Variants in CCDC3 observed in about 807,000 individuals in gnomAD.
CCDC3 encodes the protein coiled-coil domain containing 3.
A neutral mutation model predicts 21.4 loss-of-function variants in CCDC3; 24 were observed. That is an observed-to-expected ratio of 1.12 (90% CI 0.81 to 1.58). The LOEUF is 1.58. Among genes scored for constraint, CCDC3 ranks in the 40% most tolerant of loss-of-function variants. The probability of loss-of-function intolerance (pLI) is 0.00; values close to 1 mark genes in which losing one functional copy is unlikely to be tolerated. For synonymous variants in CCDC3, 186 were observed against 166.0 expected, an observed-to-expected ratio of 1.12 and a Z score of -0.93; for missense variants, 425 against 360.9, an observed-to-expected ratio of 1.18 and a Z score of -1.44.
At chr10:12,968,883 C>G (rs938887220) in intron 2 of CCDC3, among the ~76,000 whole-genome samples, 2 of 151,966 alleles carry the variant, frequency 1.3e-5, no homozygotes, top group African/African-American at 4.8e-5. Context: ...AGTAAGGAAT[C>G]AAAGCAAACT....
intron 4 of CCDC3, among the ~76,000 whole-genome samples, chr10:13,053,108 T>A (rs1043232559): frequency 6.6e-6 from 1 of 152,120 alleles, no homozygotes; most frequent in African/African-American, 2.4e-5. Flanking sequence ...GAAAAAGGAT[T>A]TTTCCTCTCC....
At chr10:12,948,631 A>AC (rs1257484124) in intron 2 of CCDC3, among the ~76,000 whole-genome samples, 12 of 151,760 alleles carry the variant, frequency 7.9e-5, no homozygotes, top group Non-Finnish European at 1.3e-4. Context: ...CCTTCTTTAG[A>AC]CCACTGGTCC....
intron 2 of CCDC3, among the ~76,000 whole-genome samples, chr10:12,960,015 G>A (rs932923800): frequency 6.6e-6 from 1 of 152,114 alleles, no homozygotes; most frequent in Non-Finnish European, 1.5e-5. Flanking sequence ...TTAGCCAGGC[G>A]TGGTCGCACA....
intron 3 of CCDC3, among the ~76,000 whole-genome samples, chr10:13,076,487 A>T (rs1314441731): frequency 6.6e-6 from 1 of 152,210 alleles, no homozygotes; most frequent in East Asian, 1.9e-4. Context: ...TTTCTTCCTC[A>T]AAGTTTCCCT....
At chr10:13,013,936 A>G (rs1235270714) in intron 5 of CCDC3, among the ~76,000 whole-genome samples, 1 of 151,952 alleles carries the variant, frequency 6.6e-6, no homozygotes, top group Non-Finnish European at 1.5e-5. Context: ...GGATCACTTG[A>G]GGTCAGGAGC....
chr10:12,945,286 T>G (rs1834897958), intron 2 of CCDC3, among the ~76,000 whole-genome samples: 4 of 152,070 alleles, frequency 2.6e-5, no homozygotes, highest in African/African-American at 9.7e-5. Context: ...TATGCAAGCA[T>G]ACAAAATAAG....
intron 2 of CCDC3, among the ~76,000 whole-genome samples, chr10:12,941,168 C>T (rs982530362): frequency 5.9e-5 from 9 of 152,192 alleles, no homozygotes; most frequent in South Asian, 2.1e-4. Flanking sequence ...AACGTGGTGA[C>T]GAGAGTGTCC....
chr10:13,078,275 G>A (rs1404621822), intron 3 of CCDC3, among the ~76,000 whole-genome samples: 1 of 152,124 alleles, frequency 6.6e-6, no homozygotes, highest in African/African-American at 2.4e-5. Flanking sequence ...ATCATCACTG[G>A]CCATCAGAGA....
At chr10:12,960,855 A>T (rs1385815569) in intron 2 of CCDC3, among the ~76,000 whole-genome samples, 1 of 152,206 alleles carries the variant, frequency 6.6e-6, no homozygotes, top group Non-Finnish European at 1.5e-5. Context: ...AAGCAGGGTA[A>T]CATGTGGGGA....
intron 4 of CCDC3, among the ~76,000 whole-genome samples, chr10:13,059,658 T>C (rs890972135): frequency 6.6e-6 from 1 of 152,142 alleles, no homozygotes; most frequent in Non-Finnish European, 1.5e-5. Context: ...GTTTTTTTTC[T>C]GCCATTTCAC....
At chr10:12,978,860 T>C (rs986947765) in intron 2 of CCDC3, among the ~76,000 whole-genome samples, 2 of 152,218 alleles carry the variant, frequency 1.3e-5, no homozygotes, top group South Asian at 4.1e-4. Flanking sequence ...CATTTTTTAA[T>C]ATGCGTGCTG....
intron 4 of CCDC3, among the ~76,000 whole-genome samples, chr10:13,071,736 G>T (rs1002450946): frequency 1.3e-5 from 2 of 152,212 alleles, no homozygotes; most frequent in African/African-American, 2.4e-5. Flanking sequence ...GCTAGTAAGA[G>T]AAAGGAACCA....
At chr10:13,099,912 T>C (rs1426588779), upstream of CCDC3, 4 of 151,932 alleles carry the variant, frequency 2.6e-5, no homozygotes, top group Non-Finnish European at 5.9e-5. Context: ...CTTAGAGCAG[T>C]CCCTGTTCAC....
chr10:12,950,521 A>C (rs1337570683), intron 2 of CCDC3, among the ~76,000 whole-genome samples: 1 of 152,212 alleles, frequency 6.6e-6, no homozygotes, highest in Non-Finnish European at 1.5e-5. Flanking sequence ...TTCAGATGCA[A>C]AGAGCAGAAC....
chr10:12,915,685 T>C (rs1834342367), intron 2 of CCDC3, among the ~76,000 whole-genome samples: 1 of 152,218 alleles, frequency 6.6e-6, no homozygotes, highest in African/African-American at 2.4e-5. Flanking sequence ...TGGGTGGGTT[T>C]GCTACTGGAG....
chr10:13,099,373 C>CCT (rs1832686449), intron 1 of CCDC3: 1 of 148,306 alleles, frequency 6.7e-6, no homozygotes, highest in African/African-American at 2.5e-5. Context: ...TCCCTCCCTC[C>CCT]CTCTCTCCCT....
intron 4 of CCDC3, among the ~76,000 whole-genome samples, chr10:13,068,304 C>G (rs943263110): frequency 1.3e-5 from 2 of 152,030 alleles, no homozygotes; most frequent in Admixed American, 6.6e-5. Context: ...TTCACAGCTA[C>G]TGCATTTTCT....
intron 3 of CCDC3, among the ~76,000 whole-genome samples, chr10:13,089,839 C>A (rs2131453933): frequency 7.1e-6 from 1 of 141,674 alleles, no homozygotes; most frequent in East Asian, 2.2e-4. Context: ...CCCCTCCCAC[C>A]CTTTCTCCGT....
chr10:13,033,933 G>A (rs1836339987), intron 5 of CCDC3, among the ~76,000 whole-genome samples: 1 of 152,180 alleles, frequency 6.6e-6, no homozygotes, highest in Non-Finnish European at 1.5e-5. Context: ...AGACAGTGTG[G>A]CTATTCTGCA....
Sources: allele counts gnomAD v4.1 joint callset (sites outside exome capture counted in the v4.1 genomes callset), GRCh38; gene constraint gnomAD v4.1.1; transcripts MANE v1.5; gene names NCBI Gene and HGNC (gene_info 2026-07-23, HGNC 2026-07-21).